Variants in PRKN observed in about 807,000 individuals in gnomAD.
PRKN encodes the protein parkin RBR E3 ubiquitin protein ligase.
In PRKN, 56 loss-of-function variants were observed where a neutral mutation model predicts 59.5. The observed-to-expected ratio is 0.94, with a 90% CI of 0.76 to 1.18. The LOEUF is 1.18. Among genes scored for constraint, PRKN ranks in the 50% most tolerant of loss-of-function variants. PRKN has a pLI of 0.00. For missense variants in PRKN, 657 were observed against 596.4 expected (o/e 1.10, Z -1.06); for synonymous variants, 250 against 222.1 (o/e 1.13, Z -1.12).
intron 4 of PRKN, among the ~76,000 whole-genome samples, chr6:162,137,909 T>C (rs1781615876): frequency 6.6e-6 from 1 of 152,114 alleles, no homozygotes; most frequent in African/African-American, 2.4e-5. Flanking sequence ...AAGTTATATA[T>C]ATAAAATACA....
At chr6:162,086,540 G>A (rs1373672449) in intron 4 of PRKN, among the ~76,000 whole-genome samples, 1 of 152,096 alleles carries the variant, frequency 6.6e-6, no homozygotes, top group Non-Finnish European at 1.5e-5. Context: ...GTGTTAAGAT[G>A]TTTTTCTGTA....
rs186655844 is a variant in PRKN at position 162,716,020 on chromosome 6, G to T, written c.7+11642C>A. The stretch of plus-strand genomic sequence containing the variant: ...ATTATTGTCAATGGTTACTTTCCAT[G>T]TGTACACAGCATCTTCACTAACTGT... On this transcript the variant is annotated intron_variant, in intron 1 of 11. Coordinates refer to ENST00000366898, the MANE Select transcript of PRKN (RefSeq NM_004562.3). Among the ~76,000 whole-genome samples, 3 of 152,304 alleles carry T rather than the reference G, an allele frequency of 2.0e-5. No homozygotes were observed. The East Asian group carries it at 5.8e-4, about 29-fold the overall frequency.
rs1785457874 is a variant in PRKN at position 161,371,886 on chromosome 6, GC to G, written c.1168-11682del. Among the ~76,000 whole-genome samples, 2 of 152,140 alleles carry G rather than the reference GC, an allele frequency of 1.3e-5. No individual in the cohort carries two copies. The highest frequency in any genetic ancestry group is 4.8e-5 in the African/African-American group (2 of 41,422). ...ATTCTTGACCTCAGGTGATCTGCCT[GC>G]CTCGGCCTCCCAAAGTGCTGGGATT... On this transcript the variant is annotated intron_variant, in intron 10 of 11. Coordinates refer to ENST00000366898, the MANE Select transcript of PRKN (RefSeq NM_004562.3). This position sits in a 1 kb window ranked among gnomAD's most constrained non-coding sequence, Gnocchi z 5.5.
intron 1 of PRKN, among the ~76,000 whole-genome samples, chr6:162,593,899 T>G (rs566134815): frequency 6.6e-6 from 1 of 152,190 alleles, no homozygotes; most frequent in South Asian, 2.1e-4. Flanking sequence ...ACGCCTGGCC[T>G]AACACTTTGG....
At chr6:161,894,389 T>C (rs143846595) in intron 6 of PRKN, among the ~76,000 whole-genome samples, 5 of 152,350 alleles carry the variant, frequency 3.3e-5, no homozygotes, top group Non-Finnish European at 7.3e-5. Flanking sequence ...TCCTCAATCA[T>C]AGCTGTAAAA....
At chr6:162,428,231 T>C (rs548233284) in intron 2 of PRKN, among the ~76,000 whole-genome samples, 44 of 152,336 alleles carry the variant, frequency 2.9e-4, no homozygotes, top group Middle Eastern at 6.8e-3. Context: ...AAGTCACTAA[T>C]GTAATTTCCA....
intron 6 of PRKN, among the ~76,000 whole-genome samples, chr6:161,916,828 G>A (rs749132245): frequency 4.6e-5 from 7 of 151,690 alleles, no homozygotes; most frequent in Non-Finnish European, 8.8e-5. Context: ...AGGCGGAGTC[G>A]CGCTCTGTCA....
Position 161,820,914 on chromosome 6 carries a change from AT to A in PRKN, c.735-35007del, listed in dbSNP as rs750591070. Among the ~76,000 whole-genome samples the A allele has an allele frequency of 1.1e-3, 174 of 151,966 alleles. 1 individual carries two copies. The highest frequency in any genetic ancestry group is 1.7e-3 in the Non-Finnish European group (114 of 67,870). The stretch of plus-strand genomic sequence containing the variant: ...TAAACGCCTTTGGAAAATACCCCCA[AT>A]ATGACACTATGTAATAAAATCAATA... On this transcript the variant is annotated intron_variant, in intron 6 of 11. Transcript: ENST00000366898.
chr6:162,023,224 C>T (rs1368052177), intron 5 of PRKN, among the ~76,000 whole-genome samples: 1 of 152,100 alleles, frequency 6.6e-6, no homozygotes, highest in Non-Finnish European at 1.5e-5. Context: ...GCGTGTGTTA[C>T]AGGGTGTTCT....
At chr6:161,979,954 G>C (rs577916527) in intron 5 of PRKN, among the ~76,000 whole-genome samples, 13 of 152,290 alleles carry the variant, frequency 8.5e-5, no homozygotes, top group African/African-American at 2.6e-4. Context: ...CTGAAAATTA[G>C]ATTGACACCA....
chr6:162,382,986 T>G (rs1374988968), intron 2 of PRKN, among the ~76,000 whole-genome samples: 1 of 152,180 alleles, frequency 6.6e-6, no homozygotes, highest in East Asian at 1.9e-4. Flanking sequence ...TATTATGAGA[T>G]TGCAGCAATT....
At chr6:162,697,840 T>C (rs577706865) in intron 1 of PRKN, among the ~76,000 whole-genome samples, 1 of 152,228 alleles carries the variant, frequency 6.6e-6, no homozygotes, top group South Asian at 2.1e-4. Flanking sequence ...ACTTCATTAG[T>C]AAAAAAAGTA....
intron 7 of PRKN, among the ~76,000 whole-genome samples, chr6:161,748,276 G>C (rs1677593975): frequency 1.3e-5 from 2 of 151,592 alleles, no homozygotes; most frequent in African/African-American, 2.4e-5. Context: ...AAATATAAAA[G>C]ATTTATCAGG....
At chr6:162,362,018 A>G (rs1248037858) in intron 2 of PRKN, among the ~76,000 whole-genome samples, 1 of 152,212 alleles carries the variant, frequency 6.6e-6, no homozygotes, top group East Asian at 1.9e-4. Context: ...ATTTTCAACA[A>G]TGAATTGCTC....
chr6:161,469,615 G>A (rs922602585), intron 9 of PRKN, among the ~76,000 whole-genome samples: 8 of 151,978 alleles, frequency 5.3e-5, no homozygotes, highest in African/African-American at 1.5e-4. Flanking sequence ...GAAACCTGAA[G>A]GTTACTTTGC....
At chr6:162,362,655 A>C (rs1227491835) in intron 2 of PRKN, among the ~76,000 whole-genome samples, 1 of 152,154 alleles carries the variant, frequency 6.6e-6, no homozygotes. Flanking sequence ...ATATTAAGAA[A>C]CAATAGTAGG....
chr6:162,253,180 T>A (rs1779507077), intron 3 of PRKN, among the ~76,000 whole-genome samples: 1 of 152,210 alleles, frequency 6.6e-6, no homozygotes, highest in South Asian at 2.1e-4. Flanking sequence ...AGCATATCTA[T>A]CGAAATGGTA....
At chr6:162,185,628 C>T (rs201043683) in intron 4 of PRKN, among the ~76,000 whole-genome samples, 8 of 152,048 alleles carry the variant, frequency 5.3e-5, no homozygotes, top group Admixed American at 3.3e-4. Flanking sequence ...CTCTGTGGTA[C>T]GAAGGGTCCA....
chr6:161,522,886 C>A (rs898155670), intron 9 of PRKN, among the ~76,000 whole-genome samples: 8 of 152,130 alleles, frequency 5.3e-5, no homozygotes, highest in African/African-American at 1.9e-4. Flanking sequence ...AAATAGGTAA[C>A]ATTAGATGAC....
Sources: gnomAD v4.1 joint callset for allele counts (sites outside exome capture counted in the v4.1 genomes callset) on GRCh38, gnomAD v4.1.1 for gene constraint, Gnocchi (gnomAD v3.1) non-coding constraint, MANE v1.5 for transcripts, NCBI Gene and HGNC (gene_info 2026-07-23, HGNC 2026-07-21) for gene names.